CHLSN: variants seen among roughly 807,000 people sequenced by gnomAD.
The protein encoded by CHLSN is cholesin.
chr7:989,234 C>A, the CHLSN span: 2 of 205,648 alleles, frequency 9.7e-6, no homozygotes, highest in East Asian at 2.2e-4. Flanking sequence ...GCGAGCCCTG[C>A]ACCCCCCAGG....
chr7:1,002,194 GGGAGTCCTGTGGGTGAGT>G, the CHLSN span, among the ~76,000 whole-genome samples: 1 of 108,274 alleles, frequency 9.2e-6, no homozygotes, highest in South Asian at 3.7e-4. Flanking sequence ...CCTGTGGGTG[GGGAGTCCTGTGGGTGAGT>G]GGAGTCCTGC....
chr7:990,351 G>A, the CHLSN span, among the ~76,000 whole-genome samples: 1 of 144,886 alleles, frequency 6.9e-6, no homozygotes, highest in Admixed American at 6.9e-5. Context: ...TGGGGGCGGT[G>A]TGGTCGGCAG....
the CHLSN span, among the ~76,000 whole-genome samples, chr7:1,125,842 G>A: frequency 5.9e-5 from 9 of 152,176 alleles, no homozygotes; most frequent in Non-Finnish European, 1.0e-4. Flanking sequence ...CGCGCGCGTC[G>A]TCAGATTTCA....
At chr7:1,001,452 G>C in the CHLSN span, among the ~76,000 whole-genome samples, 1 of 143,640 alleles carries the variant, frequency 7.0e-6, no homozygotes, top group Non-Finnish European at 1.5e-5. Flanking sequence ...TGGGTGAGTG[G>C]AGTCCTGTGG....
the CHLSN span, chr7:1,055,197 G>T: frequency 6.4e-6 from 3 of 468,434 alleles, no homozygotes; most frequent in Non-Finnish European, 1.3e-5. Context: ...CCTCGTTTCT[G>T]GAACCCGGCT....
the CHLSN span, chr7:1,029,202 A>G: frequency 0.017 from 2,571 of 152,324 alleles, 43 homozygotes; most frequent in African/African-American, 0.042. Context: ...ATTGTAGCTC[A>G]CTGCAGCCTT....
chr7:1,119,369 C>G, the CHLSN span, among the ~76,000 whole-genome samples: 7 of 152,176 alleles, frequency 4.6e-5, no homozygotes, highest in Non-Finnish European at 8.8e-5. Flanking sequence ...AGGCTTGCTT[C>G]TTAGATGTGG....
At chr7:1,073,363 G>A in the CHLSN span, among the ~76,000 whole-genome samples, 2 of 152,064 alleles carry the variant, frequency 1.3e-5, no homozygotes, top group African/African-American at 4.8e-5. Context: ...ACAAGTGGCC[G>A]GCAGCTACTC....
the CHLSN span, chr7:1,081,928 C>G: frequency 6.6e-6 from 1 of 152,334 alleles, no homozygotes; most frequent in Non-Finnish European, 1.5e-5. Flanking sequence ...CCTGTCCCCC[C>G]ACCCACCAGG....
At chr7:1,026,532 G>C in the CHLSN span, 1 of 152,204 alleles carries the variant, frequency 6.6e-6, no homozygotes, top group Non-Finnish European at 1.5e-5. Context: ...AGGCAGCTCC[G>C]GCAGGAGCAG....
At chr7:1,057,625 G>T in the CHLSN span, 19 of 769,554 alleles carry the variant, frequency 2.5e-5, no homozygotes, top group South Asian at 2.6e-4. Flanking sequence ...CTGGTGGTGG[G>T]CGTGCCAGTG....
At chr7:1,022,615 C>T in the CHLSN span, among the ~76,000 whole-genome samples, 2 of 152,188 alleles carry the variant, frequency 1.3e-5, no homozygotes, top group East Asian at 1.9e-4. Flanking sequence ...CATTCGGATC[C>T]GGACTCTGAA....
the CHLSN span, among the ~76,000 whole-genome samples, chr7:1,021,838 G>C: frequency 6.6e-6 from 1 of 152,248 alleles, no homozygotes; most frequent in African/African-American, 2.4e-5. Context: ...AAACACACTG[G>C]GATGCGCGCC....
chr7:1,070,145 C>T, the CHLSN span, among the ~76,000 whole-genome samples: 7 of 97,346 alleles, frequency 7.2e-5, no homozygotes, highest in Non-Finnish European at 1.3e-4. Context: ...GGAGCCCCTC[C>T]GCCCGGCAGC....
At chr7:1,037,000 A>G in the CHLSN span, among the ~76,000 whole-genome samples, 14 of 147,166 alleles carry the variant, frequency 9.5e-5, 1 homozygote, top group Non-Finnish European at 3.1e-5. Context: ...AGTCCAAGCT[A>G]TTCTGGAGGC....
the CHLSN span, chr7:986,935 A>T: frequency 7.6e-7 from 1 of 1,318,142 alleles, no homozygotes; most frequent in Non-Finnish European, 1.0e-6. Context: ...TCAGAGCCTC[A>T]GTCTCCTTGT....
At chr7:1,034,137 C>T in the CHLSN span, among the ~76,000 whole-genome samples, 1 of 152,228 alleles carries the variant, frequency 6.6e-6, no homozygotes, top group South Asian at 2.1e-4. Context: ...AATGGGCTCG[C>T]GGAAACTGGC....
the CHLSN span, among the ~76,000 whole-genome samples, chr7:1,044,946 C>T: frequency 2.0e-5 from 3 of 152,278 alleles, no homozygotes; most frequent in Non-Finnish European, 4.4e-5. Flanking sequence ...CCGCCACCGG[C>T]TCTCCCATGT....
chr7:1,105,613 CTTTAT>C, the CHLSN span, among the ~76,000 whole-genome samples: 1 of 152,210 alleles, frequency 6.6e-6, no homozygotes, highest in Non-Finnish European at 1.5e-5. Context: ...AAATATTTCT[CTTTAT>C]TTTATTCATA....
Sources: allele counts gnomAD v4.1 joint callset (sites outside exome capture counted in the v4.1 genomes callset), GRCh38; gene constraint gnomAD v4.1.1; transcripts MANE v1.5; gene names NCBI Gene and HGNC (gene_info 2026-07-23, HGNC 2026-07-21).